TIRAP: variants seen among roughly 807,000 people sequenced by gnomAD.
TIRAP encodes toll/interleukin-1 receptor domain-containing adapter protein.
A neutral mutation model predicts 19.8 loss-of-function variants in TIRAP; 20 were observed. The ratio of observed to expected loss-of-function variants is 1.01; its 90% CI spans 0.71 to 1.47. The LOEUF (loss-of-function observed/expected upper bound fraction) is 1.47, where lower values mean the gene tolerates loss of function less well. TIRAP is among the 40% of genes most tolerant of loss of function. The pLI is 0.00. For missense variants in TIRAP, 276 were observed against 285.1 expected (o/e 0.97, Z 0.23); for synonymous variants, 125 against 121.7 (o/e 1.03, Z -0.18).
rs962329614 is a variant in TIRAP at position 126,288,852 on chromosome 11, G to C, written c.-216-1610G>C. ...AATCAAATGATGCTCTAGTTTACAA[G>C]TGCACCAAGGCCAAATAATTAATAT... is the stretch of plus-strand genomic sequence containing the variant. On this transcript the variant is annotated intron_variant, in intron 1 of 4. Transcript: ENST00000392679. The surrounding 1 kb of genome is among the most constrained non-coding windows in gnomAD (Gnocchi z 5.0). Among the ~76,000 whole-genome samples the C allele has an allele frequency of 6.6e-6, 1 of 152,054 alleles. No homozygotes were observed. The highest frequency in any genetic ancestry group is 1.5e-5 in the Non-Finnish European group (1 of 68,016).
chr11:126,292,161 A>G (rs1323012739), intron 3 of TIRAP, among the ~76,000 whole-genome samples: 15 of 151,686 alleles, frequency 9.9e-5, no homozygotes, highest in Non-Finnish European at 1.9e-4. Context: ...AAAATTAGCC[A>G]GGTGTGGTGG....
At position 126,292,653 on chromosome 11, in the gene TIRAP, T is replaced by C; in HGVS notation, c.244T>C (p.Trp82Arg). 1 of 1,614,114 alleles carries C rather than the reference T, an allele frequency of 6.2e-7. No individual in the cohort carries two copies. The highest frequency in any genetic ancestry group is 8.5e-7 in the Non-Finnish European group (1 of 1,180,010). Reference protein sequence around the residue: ...THASDSGSSRWSKDYDVCVCH... With the variant: ...THASDSGSSRRSKDYDVCVCH... ...TGCGAGTGACAGTGGCAGTAGTCGC[T>C]GGAGCAAAGACTATGACGTCTGCGT... The change falls in exon 4 of 5, where the codon TGG (tryptophan) becomes CGG (arginine). Residue 82 changes from tryptophan to arginine, a missense_variant. Coordinates refer to ENST00000392679, the MANE Select transcript of TIRAP (RefSeq NM_001318777.2).
chr11:126,285,910 G>A (rs558190491), intron 1 of TIRAP, among the ~76,000 whole-genome samples: 1 of 151,782 alleles, frequency 6.6e-6, no homozygotes, highest in South Asian at 2.1e-4. Context: ...AATAAATTAG[G>A]TAGGTGTGGT....
intron 1 of TIRAP, chr11:126,289,816 C>A: frequency 1.0e-6 from 1 of 985,382 alleles, no homozygotes; most frequent in Non-Finnish European, 1.2e-6. Context: ...TCTGTCACTA[C>A]GGTGGGAAAA....
rs1951364802 is a variant in TIRAP, at chr11:126,290,309, G to T, written c.-216-153G>T. On this transcript the variant is annotated intron_variant, in intron 1 of 4. Coordinates refer to ENST00000392679, the MANE Select transcript of TIRAP (RefSeq NM_001318777.2). The surrounding 1 kb of genome is among the most constrained non-coding windows in gnomAD (Gnocchi z 4.9). Reference sequence around the variant, plus strand: ...GAGCTGACGGCTGCAGGGGCGATGGGTCTATGGATGGAGTTATTCAGGGGG... The same window carrying T: ...GAGCTGACGGCTGCAGGGGCGATGGTTCTATGGATGGAGTTATTCAGGGGG... Among the ~76,000 whole-genome samples the T allele has an allele frequency of 6.6e-6, 1 of 152,188 alleles. No individual in the cohort carries two copies. Among genetic ancestry groups the T allele is most frequent in the Non-Finnish European group, 1.5e-5 (1 of 68,038 alleles).
chr11:126,289,347 C>G (rs1951356064), intron 1 of TIRAP, among the ~76,000 whole-genome samples: 1 of 152,154 alleles, frequency 6.6e-6, no homozygotes, highest in Non-Finnish European at 1.5e-5. Flanking sequence ...GGTATAATCT[C>G]AGCTCACTGC....
intron 1 of TIRAP, among the ~76,000 whole-genome samples, chr11:126,284,987 GCA>G (rs1951302569): frequency 6.6e-6 from 1 of 151,932 alleles, no homozygotes; most frequent in South Asian, 2.1e-4. Flanking sequence ...TCCCATCCCT[GCA>G]CACTCTTACC....
chr11:126,284,487 T>TG (rs1491127654), intron 1 of TIRAP, among the ~76,000 whole-genome samples: 27,639 of 152,170 alleles, frequency 0.18, 2,826 homozygotes, highest in Non-Finnish European at 0.25. Context: ...CACGGGTTGA[T>TG]GGACAGTCGT....
intron 1 of TIRAP, among the ~76,000 whole-genome samples, chr11:126,286,054 G>GAA (rs1182840430): frequency 4.1e-4 from 20 of 48,334 alleles, no homozygotes; most frequent in Non-Finnish European, 4.6e-4. Context: ...ACCCTCTCTG[G>GAA]AAAAAAAAAA....
In TIRAP at chr11:126,293,752, C is replaced by T. The variant is rs757928686; in HGVS notation, c.*65C>T. 1 of 1,557,042 alleles carries T rather than the reference C, an allele frequency of 6.4e-7. No homozygotes were observed. The highest frequency in any genetic ancestry group is 1.7e-5 in the Admixed American group (1 of 59,938). ...CTAGAAACAGAAAACCCATGCAGGG[C>T]CTCGGATTCCCACAAATGTGACAAG... On this transcript the variant is annotated 3_prime_UTR_variant, in exon 5 of 5. Transcript: ENST00000392679.
Position 126,294,636 on chromosome 11 carries a change from C to T in TIRAP, c.*949C>T, listed in dbSNP as rs1951451051. ...ACAGGCAAGGTTTCATTCATCTGTT[C>T]TCAGTAAGTTTGTTGTTGAACTGAA... On this transcript the variant is annotated 3_prime_UTR_variant, in exon 5 of 5. Coordinates refer to ENST00000392679, the MANE Select transcript of TIRAP (RefSeq NM_001318777.2). The T allele has an allele frequency of 2.3e-6, 1 of 443,442 alleles. No individual in the cohort carries two copies. The highest frequency in any genetic ancestry group is 2.0e-5 in the African/African-American group (1 of 49,562). 27.5% of individuals were successfully genotyped at this position (443,442 alleles called of 1,614,324 possible). A position where few individuals can be genotyped will look rare whatever the true frequency, so the allele number is the denominator to read the frequency against.
rs140419050 is a variant in TIRAP at position 126,290,981 on chromosome 11, C to T, written c.67+20C>T. On this transcript the variant is annotated intron_variant, in intron 3 of 4. Coordinates refer to ENST00000392679, the MANE Select transcript of TIRAP (RefSeq NM_001318777.2). The surrounding 1 kb of genome is among the most constrained non-coding windows in gnomAD (Gnocchi z 4.9). ...TGGCTGGTGAGTGGAACCGGACTCGCGACTCTGCTGTGTTCCTGAGTGTAG... is the reference window on the plus strand; with the variant it reads ...TGGCTGGTGAGTGGAACCGGACTCGTGACTCTGCTGTGTTCCTGAGTGTAG... 1,582 of 1,594,990 alleles carry T rather than the reference C, an allele frequency of 9.9e-4. 29 individuals carry two copies. The East Asian group carries it at 0.03, about 31-fold the overall frequency.
chr11:126,285,349 T>A (rs1439938106), intron 1 of TIRAP, among the ~76,000 whole-genome samples: 1 of 151,358 alleles, frequency 6.6e-6, no homozygotes, highest in African/African-American at 2.4e-5. Flanking sequence ...GCAACCTCCG[T>A]CTCCCAGGTT....
At chr11:126,284,604 C>T (rs910118420) in intron 1 of TIRAP, among the ~76,000 whole-genome samples, 1 of 151,956 alleles carries the variant, frequency 6.6e-6, no homozygotes, top group African/African-American at 2.4e-5. Context: ...ACCTGTAATC[C>T]CAGCACTTTG....
chr11:126,293,622 T>A, intron 4 of TIRAP, 46 bp from the exon 5 acceptor site: 6 of 1,609,992 alleles, frequency 3.7e-6, no homozygotes, highest in Non-Finnish European at 5.1e-6. Context: ...GGAAAACAGA[T>A]GCTGGGTTTG....
In TIRAP at chr11:126,291,702, C is replaced by T. The variant is rs36031333; in HGVS notation, c.67+741C>T. The T allele has an allele frequency of 2.4e-5, 9 of 369,756 alleles. No individual in the cohort carries two copies. The highest frequency in any genetic ancestry group is 7.3e-5 in the East Asian group (1 of 13,696). The allele number at this position is 369,756 out of a possible 1,614,324, so 22.9% of individuals were successfully genotyped here. A position where few individuals can be genotyped will look rare whatever the true frequency, so the allele number is the denominator to read the frequency against. On this transcript the variant is annotated intron_variant, in intron 3 of 4. Transcript: ENST00000392679. This position sits in a 1 kb window ranked among gnomAD's most constrained non-coding sequence, Gnocchi z 5.6. ...CTCCGTACCCCTTCCTTCCTGTATACGTAGCCCTTCCTAATCTAAGTCCAC... is the reference window on the plus strand; with the variant it reads ...CTCCGTACCCCTTCCTTCCTGTATATGTAGCCCTTCCTAATCTAAGTCCAC...
Position 126,291,515 on chromosome 11 carries a change from C to A in TIRAP, c.67+554C>A. Reference sequence around the variant, plus strand: ...CTGCATTATCTCAGTTAACTTTCAGCAACTAAGACAGGTCCACAAGTCCAC... The same window carrying A: ...CTGCATTATCTCAGTTAACTTTCAGAAACTAAGACAGGTCCACAAGTCCAC... On this transcript the variant is annotated intron_variant, in intron 3 of 4. Transcript: ENST00000392679. The surrounding 1 kb of genome is among the most constrained non-coding windows in gnomAD (Gnocchi z 5.6). 2 of 876,932 alleles carry A rather than the reference C, an allele frequency of 2.3e-6. No homozygotes were observed. Among genetic ancestry groups the A allele is most frequent in the African/African-American group, 1.7e-5 (1 of 57,600 alleles). The allele number at this position is 876,932 out of a possible 1,614,324, so 54.3% of individuals were successfully genotyped here. A position where few individuals can be genotyped will look rare whatever the true frequency, so the allele number is the denominator to read the frequency against.
intron 4 of TIRAP, chr11:126,293,359 G>A (rs1324836865): frequency 7.1e-6 from 5 of 708,142 alleles, no homozygotes; most frequent in Middle Eastern, 2.3e-4. Context: ...AACAGGCAGC[G>A]CCTAGCACAA....
chr11:126,291,079 G>A lies in TIRAP; in HGVS notation c.67+118G>A, dbSNP rs747312728. On this transcript the variant is annotated intron_variant, in intron 3 of 4. Coordinates refer to ENST00000392679, the MANE Select transcript of TIRAP (RefSeq NM_001318777.2). The surrounding 1 kb of genome is among the most constrained non-coding windows in gnomAD (Gnocchi z 5.6). Reference sequence around the variant, plus strand: ...CAGAGAGACGCAGGAAGGCTGACGTGGGGAACTCCTGACCTGAATTCAGGG... The same window carrying A: ...CAGAGAGACGCAGGAAGGCTGACGTAGGGAACTCCTGACCTGAATTCAGGG... The A allele has an allele frequency of 1.3e-4, 163 of 1,266,550 alleles. 1 individual carries two copies. The highest frequency in any genetic ancestry group is 3.8e-4 in the Admixed American group (14 of 36,682). The allele number at this position is 1,266,550 out of a possible 1,614,324, so 78.5% of individuals were successfully genotyped here.
Sources: gnomAD v4.1 joint callset for allele counts (sites outside exome capture counted in the v4.1 genomes callset) on GRCh38, gnomAD v4.1.1 for gene constraint, Gnocchi (gnomAD v3.1) non-coding constraint, MANE v1.5 for transcripts, NCBI Gene and HGNC (gene_info 2026-07-23, HGNC 2026-07-21) for gene names.